The following TGM2 variants were observed in gnomAD, a reference collection of about 807,000 sequenced individuals.
TGM2 encodes protein-glutamine gamma-glutamyltransferase 2.
TGM2 carries 53 observed loss-of-function variants against 75.6 expected under a neutral mutation model. The observed-to-expected ratio is 0.70, with a 90% CI of 0.56 to 0.88. The LOEUF is 0.88. Ranked by LOEUF, TGM2 falls within the 40% of genes least tolerant of loss-of-function variation. The pLI, the probability that TGM2 is intolerant of heterozygous loss-of-function variation, is 0.00. For missense variants in TGM2, 842 were observed against 928.5 expected, an observed-to-expected ratio of 0.91 and a Z score of 1.21; for synonymous variants, 374 against 381.1, an observed-to-expected ratio of 0.98 and a Z score of 0.22.
chr20:38,148,910 C>A (rs1486567691), intron 4 of TGM2, among the ~76,000 whole-genome samples: 1 of 152,178 alleles, frequency 6.6e-6, no homozygotes, highest in African/African-American at 2.4e-5. Flanking sequence ...CTGCTCTTTT[C>A]CCCCCACTTC....
upstream of TGM2, among the ~76,000 whole-genome samples, chr20:38,167,522 G>C (rs1286494524): frequency 3.3e-5 from 5 of 152,088 alleles, no homozygotes; most frequent in Non-Finnish European, 5.9e-5. Flanking sequence ...AATTTTTGTA[G>C]AGATGGAGGT....
At chr20:38,156,196 A>G (rs1326379259) in intron 2 of TGM2, 107 bp from the exon 3 acceptor site, 1 of 1,360,694 alleles carries the variant, frequency 7.3e-7, no homozygotes, top group Non-Finnish European at 1.0e-6. Context: ...TTCTGCCACT[A>G]ACCACTGAAA....
intron 8 of TGM2, among the ~76,000 whole-genome samples, chr20:38,140,141 A>C (rs1481225875): frequency 6.6e-6 from 1 of 152,234 alleles, no homozygotes; most frequent in Non-Finnish European, 1.5e-5. Context: ...AGTGCCCCGC[A>C]TGGGGCCAGC....
intron 10 of TGM2, 94 bp downstream of exon 10, chr20:38,138,019 G>A: frequency 2.0e-6 from 3 of 1,495,654 alleles, no homozygotes; most frequent in South Asian, 2.7e-5. Flanking sequence ...GTAAGTGTCT[G>A]TGGGGTGAAA....
chr20:38,144,347 C>A (rs1007523964), intron 6 of TGM2, among the ~76,000 whole-genome samples: 1 of 152,120 alleles, frequency 6.6e-6, no homozygotes, highest in Non-Finnish European at 1.5e-5. Context: ...AGAGAGAGGC[C>A]GCGGGTGTGG....
chr20:38,140,756 C>T (rs561777839), intron 8 of TGM2, among the ~76,000 whole-genome samples: 1 of 152,174 alleles, frequency 6.6e-6, no homozygotes, highest in Admixed American at 6.5e-5. Context: ...TTTTTTAAAA[C>T]TTGTGACAAC....
intron 9 of TGM2, among the ~76,000 whole-genome samples, 191 bp from the exon 10 acceptor site, chr20:38,138,576 C>T (rs189334047): frequency 4.6e-5 from 7 of 152,236 alleles, no homozygotes; most frequent in Non-Finnish European, 1.0e-4. Flanking sequence ...CTATACATCC[C>T]TCAAGACTCA....
At chr20:38,149,678 C>CAAAAAAAAAAAAAAAAAA (rs1199376180) in intron 4 of TGM2, among the ~76,000 whole-genome samples, 25 of 40,436 alleles carry the variant, frequency 6.2e-4, no homozygotes, top group East Asian at 1.7e-3. Context: ...GACTCCGCCT[C>CAAAAAAAAAAAAAAAAAA]AAAAAAAAAA....
At chr20:38,143,104 G>C (rs2074996220) in intron 6 of TGM2, among the ~76,000 whole-genome samples, 1 of 152,214 alleles carries the variant, frequency 6.6e-6, no homozygotes, top group Non-Finnish European at 1.5e-5. Context: ...GCCTGTCATT[G>C]ACTATTTTGT....
upstream of TGM2, among the ~76,000 whole-genome samples, chr20:38,167,994 G>C (rs1380413300): frequency 6.6e-6 from 1 of 152,190 alleles, no homozygotes; most frequent in Admixed American, 6.5e-5. Context: ...TTCATGGAGA[G>C]TTTGTACAGC....
chr20:38,134,537 G>A (rs867140885), intron 10 of TGM2, among the ~76,000 whole-genome samples: 12 of 152,326 alleles, frequency 7.9e-5, no homozygotes, highest in Middle Eastern at 6.8e-3. Context: ...CAGTGGCCAC[G>A]GCCTTGGTCT....
intron 1 of TGM2, among the ~76,000 whole-genome samples, chr20:38,161,938 C>T (rs1395273258): frequency 6.6e-6 from 1 of 152,134 alleles, no homozygotes; most frequent in East Asian, 1.9e-4. Flanking sequence ...AGAGGACAGG[C>T]GTGCACCACT....
chr20:38,165,206 CG>C lies in TGM2; in HGVS notation c.-9del, dbSNP rs755639854. 12 of 1,613,130 alleles carry C rather than the reference CG, an allele frequency of 7.4e-6. No homozygotes were observed. The highest frequency in any genetic ancestry group is 1.0e-5 in the Non-Finnish European group (12 of 1,179,894). ...ATACTCACCCTCGGCCATGGTCGGG[CG>C]GGGGCGGTGGCTCCTTCCACTGGCG... On this transcript the variant is annotated 5_prime_UTR_variant, in exon 1 of 13. Transcript: ENST00000361475.
At chr20:38,132,082 G>A (rs1390352359) in intron 11 of TGM2, among the ~76,000 whole-genome samples, 2 of 151,996 alleles carry the variant, frequency 1.3e-5, no homozygotes, top group Non-Finnish European at 2.9e-5. Flanking sequence ...GCATTTGAAG[G>A]ATTCATGACT....
chr20:38,129,857 G>T lies in TGM2; in HGVS notation c.*362C>A. The T allele has an allele frequency of 3.7e-6, 1 of 271,088 alleles. No individual in the cohort carries two copies. The highest frequency in any genetic ancestry group is 7.2e-6 in the Non-Finnish European group (1 of 138,252). 16.8% of individuals were successfully genotyped at this position (271,088 alleles called of 1,614,324 possible). ...GGGGCATGCTGTCCCTTTTTTGCCT[G>T]CTCCAAGGAGCTATGAAGTAGATCA... is the stretch of plus-strand genomic sequence containing the variant. On this transcript the variant is annotated 3_prime_UTR_variant, in exon 13 of 13. Coordinates refer to ENST00000361475, the MANE Select transcript of TGM2 (RefSeq NM_004613.4).
chr20:38,130,461 A>C (rs1226101364), intron 12 of TGM2, 92 bp from the exon 13 acceptor site: 3 of 1,381,564 alleles, frequency 2.2e-6, no homozygotes, highest in East Asian at 5.0e-5. Flanking sequence ...ACCTCCGAGG[A>C]TCAGCACAGC....
intron 3 of TGM2, 150 bp from the exon 4 acceptor site, chr20:38,151,207 A>G: frequency 1.5e-6 from 1 of 683,268 alleles, no homozygotes; most frequent in Non-Finnish European, 2.7e-6. Flanking sequence ...CCATTAATGA[A>G]TAATCCCACG....
intron 5 of TGM2, among the ~76,000 whole-genome samples, chr20:38,147,638 C>T (rs902658901): frequency 2.0e-5 from 3 of 151,998 alleles, no homozygotes; most frequent in Non-Finnish European, 4.4e-5. Context: ...TCTCCCCTCC[C>T]CTCCCCTCCC....
At chr20:38,139,735 C>A in intron 8 of TGM2, 81 bp from the exon 9 acceptor site, 2 of 1,578,360 alleles carry the variant, frequency 1.3e-6, no homozygotes, top group Middle Eastern at 1.9e-4. Flanking sequence ...AATTCAATCA[C>A]ATGTAGCCAA....
Sources: allele counts gnomAD v4.1 joint callset (sites outside exome capture counted in the v4.1 genomes callset), GRCh38; gene constraint gnomAD v4.1.1; transcripts MANE v1.5; gene names NCBI Gene and HGNC (gene_info 2026-07-23, HGNC 2026-07-21).